SH3BP5: variants seen among roughly 807,000 people sequenced by gnomAD.
SH3BP5 encodes SH3 domain binding protein 5.
Under a neutral mutation model 43.3 loss-of-function variants are expected in SH3BP5, and 22 were observed. The observed-to-expected ratio is 0.51, with a 90% CI of 0.36 to 0.73. SH3BP5 has a LOEUF of 0.73. Ranked by LOEUF, SH3BP5 falls within the 30% of genes least tolerant of loss-of-function variation. The probability of loss-of-function intolerance (pLI) is 0.00; values close to 1 mark genes in which losing one functional copy is unlikely to be tolerated. For synonymous variants in SH3BP5, 255 were observed against 225.8 expected (o/e 1.13, Z -1.16); for missense variants, 529 against 586.9 (o/e 0.90, Z 1.02).
chr3:15,261,615 C>G (rs1696440768), intron 5 of SH3BP5, among the ~76,000 whole-genome samples: 1 of 152,006 alleles, frequency 6.6e-6, no homozygotes, highest in Non-Finnish European at 1.5e-5. Flanking sequence ...GGGGCTTGTC[C>G]CCAAGAGAGG....
Position 15,269,715 on chromosome 3 carries a change from T to G in SH3BP5, c.493A>C (p.Arg165=). 6.3e-7 allele frequency: 1 copy of G among 1,593,634 alleles called. No homozygotes were observed. The highest frequency in any genetic ancestry group is 8.6e-7 in the Non-Finnish European group (1 of 1,167,934). ...WQEMLNHATQ[R]VMEAEQTKTR... ...GCACACCCGGCCATGACTCATACCC[T>G]CTGAGTGGCGTGATTCAGCATCTCC... is the stretch of plus-strand genomic sequence containing the variant. The change falls in exon 4 of 9, where the codon AGG becomes CGG. Residue 165 remains arginine (R), a splice_region_variant and synonymous_variant. Coordinates refer to ENST00000383791, the MANE Select transcript of SH3BP5 (RefSeq NM_004844.5).
chr3:15,284,298 T>C (rs1697206331), intron 3 of SH3BP5, among the ~76,000 whole-genome samples: 1 of 152,134 alleles, frequency 6.6e-6, no homozygotes, highest in African/African-American at 2.4e-5. Context: ...GGCCTCACAA[T>C]CCCTGTTCAA....
At chr3:15,319,201 A>G (rs1698258749) in intron 2 of SH3BP5, among the ~76,000 whole-genome samples, 1 of 152,238 alleles carries the variant, frequency 6.6e-6, no homozygotes. Flanking sequence ...AGAAATGGGC[A>G]AAGTGGCGAA....
At chr3:15,282,820 G>A (rs1697165253) in intron 3 of SH3BP5, among the ~76,000 whole-genome samples, 1 of 152,048 alleles carries the variant, frequency 6.6e-6, no homozygotes, top group Non-Finnish European at 1.5e-5. Flanking sequence ...AAGCTAGAGG[G>A]GGAGGGTGGA....
rs533413362 is a variant in SH3BP5, at chr3:15,320,049, T to C, written c.201+10455A>G. 4.9e-4 allele frequency among the ~76,000 whole-genome samples: 74 copies of C among 152,186 alleles called. 1 individual carries two copies. Among genetic ancestry groups the C allele is most frequent in the Middle Eastern group, 6.8e-3 (2 of 294 alleles). ...TCTTCCAATAAAGCCAAAAATCAAG[T>C]AAGAGAACATTAAATCTGTGCACTT... On this transcript the variant is annotated intron_variant, in intron 2 of 8. Coordinates refer to ENST00000383791, the MANE Select transcript of SH3BP5 (RefSeq NM_004844.5).
At position 15,320,797 on chromosome 3, in the gene SH3BP5, T is replaced by C. The variant is rs114415835; in HGVS notation, c.201+9707A>G. ...ATAGCAATGAATCCATCAACCCCCA[T>C]AGCCTGTCTTCTTTTGAGATGACAC... On this transcript the variant is annotated intron_variant, in intron 2 of 8. Coordinates refer to ENST00000383791, the MANE Select transcript of SH3BP5 (RefSeq NM_004844.5). 2.7e-3 allele frequency among the ~76,000 whole-genome samples: 417 copies of C among 152,302 alleles called. 2 individuals are homozygous for C. The highest frequency in any genetic ancestry group is 9.6e-3 in the African/African-American group (401 of 41,568).
In SH3BP5 at chr3:15,256,867, C is replaced by T; in HGVS notation, c.1136G>A (p.Cys379Tyr). ...CTGCTACTCACCTCGTTCTACTTCA[C>T]ATTCAGGGGAGGAGGCCCCGCTGCA... ...SECSGASSPE[C>Y]EVERGDRAEG... is the part of the protein sequence containing the mutation. Residue 379 changes from cysteine to tyrosine, a missense_variant, in exon 8 of 9, where the codon TGT (cysteine) becomes TAT (tyrosine). This residue lies in a region of SH3BP5 where 369 missense variants were observed against 384.3 expected (regional missense o/e 0.96). Coordinates refer to ENST00000383791, the MANE Select transcript of SH3BP5 (RefSeq NM_004844.5). 1.2e-6 allele frequency: 2 copies of T among 1,611,456 alleles called. No individual in the cohort carries two copies. Among genetic ancestry groups the T allele is most frequent in the Non-Finnish European group, 1.7e-6 (2 of 1,177,990 alleles).
At chr3:15,303,916 A>G (rs1461684687) in intron 3 of SH3BP5, among the ~76,000 whole-genome samples, 187 bp downstream of exon 3, 1 of 152,156 alleles carries the variant, frequency 6.6e-6, no homozygotes, top group Non-Finnish European at 1.5e-5. Context: ...TCCAAATGCC[A>G]GCACTCACAC....
intron 3 of SH3BP5, among the ~76,000 whole-genome samples, chr3:15,301,940 T>C (rs957941981): frequency 2.6e-5 from 4 of 152,130 alleles, no homozygotes; most frequent in African/African-American, 7.2e-5. Context: ...CATCCTTCAA[T>C]CACTCTGCAG....
At chr3:15,318,723 T>C (rs1413359370) in intron 2 of SH3BP5, among the ~76,000 whole-genome samples, 1 of 152,144 alleles carries the variant, frequency 6.6e-6, no homozygotes, top group African/African-American at 2.4e-5. Context: ...CTGCAATACC[T>C]GGTTACTACT....
chr3:15,300,393 G>A (rs1401606294), intron 3 of SH3BP5, among the ~76,000 whole-genome samples: 1 of 152,122 alleles, frequency 6.6e-6, no homozygotes, highest in Non-Finnish European at 1.5e-5. Context: ...CTCTGGGGAC[G>A]CAGTGCCTCC....
rs142581839 is a variant in SH3BP5 at position 15,277,587 on chromosome 3, C to A, written c.331-7710G>T. On this transcript the variant is annotated intron_variant, in intron 3 of 8. Transcript: ENST00000383791. Reference sequence around the variant, plus strand: ...CCTGCCTGAGCTTAGCCTCCTACCCCCCACCACACAGTCTCACCTGCTCTG... The same window carrying A: ...CCTGCCTGAGCTTAGCCTCCTACCCACCACCACACAGTCTCACCTGCTCTG... 3.0e-3 allele frequency among the ~76,000 whole-genome samples: 457 copies of A among 152,230 alleles called. 1 individual carries two copies. Among genetic ancestry groups the A allele is most frequent in the African/African-American group, 0.01 (425 of 41,536 alleles).
intron 1 of SH3BP5, chr3:15,330,842 G>T: frequency 1.7e-6 from 1 of 600,570 alleles, no homozygotes; most frequent in Non-Finnish European, 2.1e-6. Context: ...CATGCCTTCA[G>T]GTAAACCCCA....
intron 3 of SH3BP5, among the ~76,000 whole-genome samples, chr3:15,299,549 A>G (rs1697674840): frequency 7.0e-6 from 1 of 142,196 alleles, no homozygotes; most frequent in Non-Finnish European, 1.5e-5. Context: ...GCTGGAATAC[A>G]AGAGAGACAT....
chr3:15,287,084 T>C (rs779400619), intron 3 of SH3BP5, among the ~76,000 whole-genome samples: 7 of 152,202 alleles, frequency 4.6e-5, no homozygotes, highest in Non-Finnish European at 7.3e-5. Context: ...TTACCTCACC[T>C]GCAAAACACA....
At chr3:15,287,117 T>C (rs547972763) in intron 3 of SH3BP5, among the ~76,000 whole-genome samples, 27 of 152,170 alleles carry the variant, frequency 1.8e-4, no homozygotes, top group Non-Finnish European at 2.4e-4. Flanking sequence ...ACGTAGCTCA[T>C]AGAGTTGCTG....
At chr3:15,286,793 G>A (rs1025070426) in intron 3 of SH3BP5, among the ~76,000 whole-genome samples, 6 of 152,162 alleles carry the variant, frequency 3.9e-5, no homozygotes, top group African/African-American at 1.2e-4. Flanking sequence ...CGATCCACCC[G>A]CCTCAGCTTC....
intron 3 of SH3BP5, among the ~76,000 whole-genome samples, chr3:15,291,016 A>G (rs1447140664): frequency 6.6e-6 from 1 of 152,198 alleles, no homozygotes; most frequent in East Asian, 1.9e-4. Context: ...GTGGCCTCCC[A>G]TGAAGCCCTT....
Position 15,332,214 on chromosome 3 carries a change from C to T in SH3BP5, c.138+57G>A, listed in dbSNP as rs542962424. On this transcript the variant is annotated intron_variant, in intron 1 of 8. Coordinates refer to ENST00000383791, the MANE Select transcript of SH3BP5 (RefSeq NM_004844.5). ...GCGAAGTGGCTGTACGCGTAGACAC[C>T]GACCTCCGTAGCAGCCCTCGCGAAG... The T allele has an allele frequency of 3.2e-5, 49 of 1,546,628 alleles. No homozygotes were observed. In the African/African-American group the frequency reaches 6.1e-4, roughly 19 times the overall value.
Sources: allele counts gnomAD v4.1 joint callset (sites outside exome capture counted in the v4.1 genomes callset), GRCh38; gene constraint gnomAD v4.1.1; regional missense constraint gnomAD v4.1.1; transcripts MANE v1.5; gene names NCBI Gene and HGNC (gene_info 2026-07-23, HGNC 2026-07-21).